GXYLT2: variants seen among roughly 807,000 people sequenced by gnomAD.
GXYLT2 encodes the protein glucoside xylosyltransferase 2, also known as glycosyltransferase 8 domain containing 4.
GXYLT2 carries 53 observed loss-of-function variants against 45.8 expected under a neutral mutation model. The observed-to-expected ratio is 1.16, with a 90% confidence interval of 0.93 to 1.46. The LOEUF is 1.46. GXYLT2 is among the 40% of genes most tolerant of loss of function. GXYLT2 has a pLI of 0.00. For synonymous variants in GXYLT2, 219 were observed against 214.2 expected, an observed-to-expected ratio of 1.02 and a Z score of -0.19; for missense variants, 551 against 544.4, an observed-to-expected ratio of 1.01 and a Z score of -0.12.
chr3:72,934,080 CTTTTT>C (rs375690427), intron 3 of GXYLT2, among the ~76,000 whole-genome samples: 10 of 121,056 alleles, frequency 8.3e-5, no homozygotes, highest in Non-Finnish European at 1.4e-4. Flanking sequence ...TAATTTTATT[CTTTTT>C]TTTTTTTTTT....
At position 72,888,420 on chromosome 3, in the gene GXYLT2, G is replaced by A; in HGVS notation, c.187G>A (p.Ala63Thr). Residue 63 changes from alanine to threonine, a missense_variant, in exon 1 of 7, where the codon GCC (alanine) becomes ACC (threonine). Ala to Thr is a moderately conservative substitution (Grantham distance 58). Coordinates refer to ENST00000389617, the MANE Select transcript of GXYLT2 (RefSeq NM_001080393.2). Reference protein sequence around the residue: ...RWPGPGALPGASPGVRRRRPP... With the variant: ...RWPGPGALPGTSPGVRRRRPP... ...GCCGGGGCCGGGCGCCCTCCCCGGGGCCAGCCCGGGAGTTCGGAGGCGCCG... is the reference window on the plus strand; with the variant it reads ...GCCGGGGCCGGGCGCCCTCCCCGGGACCAGCCCGGGAGTTCGGAGGCGCCG... 1.9e-6 allele frequency: 2 copies of A among 1,073,136 alleles called. No individual in the cohort carries two copies. Among genetic ancestry groups the A allele is most frequent in the Non-Finnish European group, 2.3e-6 (2 of 888,752 alleles). 66.5% of individuals were successfully genotyped at this position (1,073,136 alleles called of 1,614,324 possible).
chr3:72,906,950 C>A (rs1010606397), intron 1 of GXYLT2, among the ~76,000 whole-genome samples: 2 of 152,122 alleles, frequency 1.3e-5, no homozygotes, highest in Non-Finnish European at 2.9e-5. Flanking sequence ...ATAACACAAT[C>A]CTATTTGCAC....
chr3:72,975,112 T>C lies in GXYLT2; in HGVS notation c.1285T>C (p.Tyr429His). 3 of 1,613,844 alleles carry C rather than the reference T, an allele frequency of 1.9e-6. No individual in the cohort carries two copies. Among genetic ancestry groups the C allele is most frequent in the Non-Finnish European group, 1.7e-6 (2 of 1,179,808 alleles). ...KQIEKTMKRA[Y>H]EKHVIIHVGP... ...AATTGAGAAAACAATGAAAAGGGCT[T>C]ATGAGAAACACGTCATCATCCATGT... Residue 429 changes from tyrosine to histidine, a missense_variant, in exon 7 of 7, where the codon TAT (tyrosine) becomes CAT (histidine). Physicochemically the swap from Tyr to His is moderately conservative, Grantham distance 83. Coordinates refer to ENST00000389617, the MANE Select transcript of GXYLT2 (RefSeq NM_001080393.2).
intron 1 of GXYLT2, among the ~76,000 whole-genome samples, chr3:72,889,146 T>C (rs1709128135): frequency 6.7e-6 from 1 of 149,916 alleles, no homozygotes; most frequent in Non-Finnish European, 1.5e-5. Context: ...CGACCTTCTG[T>C]TTGATACTCT....
Position 72,922,240 on chromosome 3 carries a change from G to T in GXYLT2, c.505G>T (p.Glu169Ter). Residue 169 changes from glutamate to a stop codon, truncating the protein, a stop_gained, in exon 3 of 7, where the codon GAG (glutamate) becomes TAG (stop). Transcript: ENST00000389617. LOFTEE classifies it high-confidence loss of function. ...GCCTGACTCATATACAAAGAAGTTT[G>T]AGCACAGAATCTACCCCATCACATT... ...QWPDSYTKKF[E>*]HRIYPITFSV... 1 of 1,613,578 alleles carries T rather than the reference G, an allele frequency of 6.2e-7. No homozygotes were observed. Among genetic ancestry groups the T allele is most frequent in the South Asian group, 1.1e-5 (1 of 91,008 alleles).
intron 2 of GXYLT2, among the ~76,000 whole-genome samples, chr3:72,912,229 C>T (rs1373095233): frequency 1.3e-5 from 2 of 151,808 alleles, no homozygotes; most frequent in South Asian, 2.1e-4. Context: ...AGGCTTGTCT[C>T]GAACACCTGA....
At chr3:72,969,109 G>A (rs1710934289) in intron 6 of GXYLT2, among the ~76,000 whole-genome samples, 2 of 151,748 alleles carry the variant, frequency 1.3e-5, no homozygotes, top group Admixed American at 6.6e-5. Context: ...ATGGACTCGT[G>A]GGCTAGGGAT....
rs1356079276 is a variant in GXYLT2 at position 72,968,100 on chromosome 3, A to C, written c.1149+381A>C. ...GTGATTTTCCTGCCTCAGCCTCCCA[A>C]GTAGCTGGGACTACAGACACGCGCC... On this transcript the variant is annotated intron_variant, in intron 6 of 6. Coordinates refer to ENST00000389617, the MANE Select transcript of GXYLT2 (RefSeq NM_001080393.2). Among the ~76,000 whole-genome samples, 4 of 152,128 alleles carry C rather than the reference A, an allele frequency of 2.6e-5. No individual in the cohort carries two copies. The East Asian group carries it at 5.8e-4, about 22-fold the overall frequency.
At chr3:72,958,023 CACT>C (rs1710684180) in intron 5 of GXYLT2, among the ~76,000 whole-genome samples, 2 of 152,146 alleles carry the variant, frequency 1.3e-5, no homozygotes, top group Non-Finnish European at 2.9e-5. Context: ...GTAATCCCAG[CACT>C]TTGGGAGGCC....
intron 5 of GXYLT2, among the ~76,000 whole-genome samples, chr3:72,963,074 G>A (rs1021838105): frequency 1.3e-5 from 2 of 152,112 alleles, no homozygotes; most frequent in South Asian, 4.1e-4. Flanking sequence ...CGCTTTAGGA[G>A]GCTGAGCAGG....
chr3:72,904,895 A>AAAAAATAAAT (rs1559728037), intron 1 of GXYLT2, among the ~76,000 whole-genome samples: 1 of 138,926 alleles, frequency 7.2e-6, no homozygotes. Context: ...AAAAAAAAAA[A>AAAAAATAAAT]AAATTAACCA....
At chr3:72,945,875 T>A (rs182204942) in intron 3 of GXYLT2, among the ~76,000 whole-genome samples, 355 of 152,326 alleles carry the variant, frequency 2.3e-3, no homozygotes, top group Non-Finnish European at 3.7e-3. Context: ...AATACTGCAC[T>A]AATCACAGTT....
intron 3 of GXYLT2, among the ~76,000 whole-genome samples, chr3:72,937,625 T>G (rs17010278): frequency 0.031 from 4,650 of 152,318 alleles, 225 homozygotes; most frequent in African/African-American, 0.11. Context: ...CCCAAGATTC[T>G]CCTAAAGAAT....
chr3:72,960,138 A>G (rs923007051), intron 5 of GXYLT2, among the ~76,000 whole-genome samples: 4 of 152,118 alleles, frequency 2.6e-5, no homozygotes, highest in African/African-American at 9.7e-5. Flanking sequence ...TATTATAGGC[A>G]TCCGCCACCA....
At chr3:72,955,412 C>T (rs2107141825) in intron 4 of GXYLT2, 63 bp downstream of exon 4, 3 of 1,541,672 alleles carry the variant, frequency 1.9e-6, no homozygotes, top group South Asian at 1.2e-5. Context: ...AACAGTGGCA[C>T]TACCAGAGTG....
At chr3:72,901,288 C>CT (rs1709400518) in intron 1 of GXYLT2, among the ~76,000 whole-genome samples, 1 of 96,478 alleles carries the variant, frequency 1.0e-5, no homozygotes, top group Non-Finnish European at 2.1e-5. Context: ...GACTCTGTCT[C>CT]AAAAAAAAAA....
chr3:72,919,371 A>G (rs888455750), intron 2 of GXYLT2, among the ~76,000 whole-genome samples: 103 of 152,258 alleles, frequency 6.8e-4, no homozygotes, highest in African/African-American at 2.4e-3. Flanking sequence ...ATATTGCTAA[A>G]TGAAAGAAGC....
At chr3:72,959,039 C>T (rs1249160159) in intron 5 of GXYLT2, among the ~76,000 whole-genome samples, 2 of 146,028 alleles carry the variant, frequency 1.4e-5, no homozygotes, top group African/African-American at 5.1e-5. Context: ...ACCTCCTGGG[C>T]TCAAGTGATC....
chr3:72,890,370 T>C (rs942173701), intron 1 of GXYLT2, among the ~76,000 whole-genome samples: 4 of 152,314 alleles, frequency 2.6e-5, no homozygotes, highest in African/African-American at 9.6e-5. Context: ...TTTTAACACG[T>C]CCCTCCCATT....
Sources: gnomAD v4.1 joint callset for allele counts (sites outside exome capture counted in the v4.1 genomes callset) on GRCh38, gnomAD v4.1.1 for gene constraint, MANE v1.5 for transcripts, NCBI Gene and HGNC (gene_info 2026-07-23, HGNC 2026-07-21) for gene names.